CRKL: variants seen among roughly 807,000 people sequenced by gnomAD.
The protein encoded by CRKL is CRK like proto-oncogene, adaptor protein.
A neutral mutation model predicts 23.0 loss-of-function variants in CRKL; 3 were observed. The observed-to-expected ratio is 0.13, with a 90% CI of 0.06 to 0.34. The LOEUF is 0.34. Ranked by LOEUF, CRKL falls within the 10% of genes least tolerant of loss-of-function variation. CRKL has a pLI of 1.00. For missense variants in CRKL, 256 were observed against 394.5 expected (o/e 0.65, Z 2.97); for synonymous variants, 188 against 160.7 (o/e 1.17, Z -1.28).
In CRKL at chr22:20,953,478, A is replaced by G; in HGVS notation, c.*3633A>G. On this transcript the variant is annotated 3_prime_UTR_variant, in exon 3 of 3. Coordinates refer to ENST00000354336, the MANE Select transcript of CRKL (RefSeq NM_005207.4). The stretch of plus-strand genomic sequence containing the variant: ...TAAAACTCTTTTGACCTGTAACTTA[A>G]AGATCATAAACTTCAGGCAATAATA... The G allele has an allele frequency of 4.3e-6, 1 of 231,648 alleles. No individual in the cohort carries two copies. Among genetic ancestry groups the G allele is most frequent in the Non-Finnish European group, 8.6e-6 (1 of 116,850 alleles). 14.3% of individuals were successfully genotyped at this position (231,648 alleles called of 1,614,324 possible). A position where few individuals can be genotyped will look rare whatever the true frequency, so the allele number is the denominator to read the frequency against.
intron 2 of CRKL, among the ~76,000 whole-genome samples, chr22:20,942,111 C>G (rs1252097900): frequency 6.6e-6 from 1 of 152,210 alleles, no homozygotes; most frequent in African/African-American, 2.4e-5. Context: ...AGTTTGCCAA[C>G]TATCTACCTT....
chr22:20,953,010 CT>C lies in CRKL; in HGVS notation c.*3168del. Reference sequence around the variant, plus strand: ...TGTCCCTGGCGCTGTGCTAGCTTTCCTTTACAGCTGTTTACAGACAAGGCAG... The same window carrying C: ...TGTCCCTGGCGCTGTGCTAGCTTTCCTTACAGCTGTTTACAGACAAGGCAG... On this transcript the variant is annotated 3_prime_UTR_variant, in exon 3 of 3. Coordinates refer to ENST00000354336, the MANE Select transcript of CRKL (RefSeq NM_005207.4). 1 of 232,146 alleles carries C rather than the reference CT, an allele frequency of 4.3e-6. No individual in the cohort carries two copies. 14.4% of individuals were successfully genotyped at this position (232,146 alleles called of 1,614,324 possible).
Position 20,918,344 on chromosome 22 carries a change from C to T in CRKL, c.311+99C>T, listed in dbSNP as rs967164332. On this transcript the variant is annotated intron_variant, in intron 1 of 2. Transcript: ENST00000354336. ...GTGGGGCGCGCTTGAACCCATATTCCCCGCATTCTGAACCAAATTATTTTC... is the reference window on the plus strand; with the variant it reads ...GTGGGGCGCGCTTGAACCCATATTCTCCGCATTCTGAACCAAATTATTTTC... 13 of 1,343,302 alleles carry T rather than the reference C, an allele frequency of 9.7e-6. No homozygotes were observed. The South Asian group carries it at 1.7e-4, about 18-fold the overall frequency. The allele number at this position is 1,343,302 out of a possible 1,614,324, so 83.2% of individuals were successfully genotyped here. A position where few individuals can be genotyped will look rare whatever the true frequency, so the allele number is the denominator to read the frequency against.
chr22:20,942,501 T>C (rs1274717603), intron 2 of CRKL, among the ~76,000 whole-genome samples: 1 of 152,252 alleles, frequency 6.6e-6, no homozygotes, highest in Non-Finnish European at 1.5e-5. Flanking sequence ...GTTTTCGTTA[T>C]TTTGGCTATG....
rs77496057 is a variant in CRKL, at chr22:20,942,860, C to G, written c.778-6851C>G. Among the ~76,000 whole-genome samples the G allele has an allele frequency of 5.6e-3, 847 of 152,216 alleles. 8 individuals carry two copies. The highest frequency in any genetic ancestry group is 0.019 in the African/African-American group (808 of 41,522). On this transcript the variant is annotated intron_variant, in intron 2 of 2. Coordinates refer to ENST00000354336, the MANE Select transcript of CRKL (RefSeq NM_005207.4). ...CTTTGAACTCCTGACCTCAACTGAT[C>G]GCTCACCTCAGCCTCCCAAAGTGCT...
At chr22:20,918,396 G>C in intron 1 of CRKL, 151 bp downstream of exon 1, 2 of 891,814 alleles carry the variant, frequency 2.2e-6, no homozygotes, top group Non-Finnish European at 1.7e-6. Flanking sequence ...CAGAAAGCTA[G>C]TGTCAGGATC....
chr22:20,919,153 G>A (rs2266951), intron 1 of CRKL, among the ~76,000 whole-genome samples: 125,626 of 152,034 alleles, frequency 0.83, 51,996 homozygotes, highest in East Asian at 0.92. Flanking sequence ...TATCAGAACT[G>A]TATATTGATA....
Position 20,952,254 on chromosome 22 carries a change from G to T in CRKL, c.*2409G>T. On this transcript the variant is annotated 3_prime_UTR_variant, in exon 3 of 3. Transcript: ENST00000354336. ...AAGTCTGGCCATTTTGGAAAGCAAG[G>T]TTTCCTTTCAGCCCTGTCTACTGAC... The T allele has an allele frequency of 4.3e-6, 1 of 230,394 alleles. No individual in the cohort carries two copies. The highest frequency in any genetic ancestry group is 8.6e-6 in the Non-Finnish European group (1 of 116,350). The allele number at this position is 230,394 out of a possible 1,614,324, so 14.3% of individuals were successfully genotyped here. A position where few individuals can be genotyped will look rare whatever the true frequency, so the allele number is the denominator to read the frequency against.
chr22:20,923,143 G>C (rs936882135), intron 1 of CRKL, among the ~76,000 whole-genome samples: 1 of 152,112 alleles, frequency 6.6e-6, no homozygotes, highest in African/African-American at 2.4e-5. Context: ...AAAAACTAAA[G>C]GAAGTTGGCC....
At chr22:20,949,687 A>C (rs1352766294) in intron 2 of CRKL, 24 bp from the exon 3 acceptor site, 4 of 1,607,944 alleles carry the variant, frequency 2.5e-6, no homozygotes, top group Non-Finnish European at 2.5e-6. Context: ...AGAAATGCTA[A>C]CTTTGTCTTC....
At chr22:20,941,748 C>G (rs373796209) in intron 2 of CRKL, among the ~76,000 whole-genome samples, 3 of 151,052 alleles carry the variant, frequency 2.0e-5, no homozygotes, top group African/African-American at 7.3e-5. Flanking sequence ...TGCCCGCCAC[C>G]AGGCCGGGCT....
At position 20,949,347 on chromosome 22, in the gene CRKL, G is replaced by C. The variant is rs1411233199; in HGVS notation, c.778-364G>C. On this transcript the variant is annotated intron_variant, in intron 2 of 2. Coordinates refer to ENST00000354336, the MANE Select transcript of CRKL (RefSeq NM_005207.4). Reference sequence around the variant, plus strand: ...TCACCATGTTGCCCAGGCTGGTCTCGAACTCCTGACCTCAAGTAATCCCAG... The same window carrying C: ...TCACCATGTTGCCCAGGCTGGTCTCCAACTCCTGACCTCAAGTAATCCCAG... Among the ~76,000 whole-genome samples the C allele has an allele frequency of 2.0e-5, 3 of 152,114 alleles. No individual in the cohort carries two copies. In the East Asian group the frequency reaches 5.8e-4, roughly 29 times the overall value.
At position 20,917,695 on chromosome 22, in the gene CRKL, G is replaced by A; in HGVS notation, c.-240G>A. ...TCGGGTTTGCCTGCCCCGACCCCCC[G>A]GCTCTGCCGTGCATTCCCGGGCGGC... On this transcript the variant is annotated 5_prime_UTR_variant, in exon 1 of 3. Transcript: ENST00000354336. The A allele has an allele frequency of 1.9e-6, 1 of 534,618 alleles. No homozygotes were observed. The highest frequency in any genetic ancestry group is 3.3e-6 in the Non-Finnish European group (1 of 306,232). The allele number at this position is 534,618 out of a possible 1,614,324, so 33.1% of individuals were successfully genotyped here.
intron 1 of CRKL, among the ~76,000 whole-genome samples, chr22:20,928,041 CAGCTACTGGGG>C (rs1306589467): frequency 6.6e-6 from 1 of 151,956 alleles, no homozygotes; most frequent in Non-Finnish European, 1.5e-5. Flanking sequence ...CCTGTAATCC[CAGCTACTGGGG>C]AGGCTTAGGC....
intron 1 of CRKL, among the ~76,000 whole-genome samples, chr22:20,919,188 C>T (rs1224372940): frequency 6.6e-6 from 1 of 152,036 alleles, no homozygotes; most frequent in Non-Finnish European, 1.5e-5. Context: ...TTGAAGCAGG[C>T]CAGACACCAC....
Position 20,917,506 on chromosome 22 carries a change from C to T in CRKL, c.-429C>T, listed in dbSNP as rs901846277. On this transcript the variant is annotated 5_prime_UTR_variant, in exon 1 of 3. Coordinates refer to ENST00000354336, the MANE Select transcript of CRKL (RefSeq NM_005207.4). ...ATTGGGAACAAGCTGGGCAAAAGCACCCCGGAGGCGCGACGCTCCTTCGAG... is the reference window on the plus strand; with the variant it reads ...ATTGGGAACAAGCTGGGCAAAAGCATCCCGGAGGCGCGACGCTCCTTCGAG... 17 of 254,586 alleles carry T rather than the reference C, an allele frequency of 6.7e-5. No homozygotes were observed. Among genetic ancestry groups the T allele is most frequent in the Non-Finnish European group, 9.0e-5 (12 of 132,992 alleles). The allele number at this position is 254,586 out of a possible 1,614,324, so 15.8% of individuals were successfully genotyped here.
At chr22:20,921,080 A>G (rs1432190405) in intron 1 of CRKL, among the ~76,000 whole-genome samples, 1 of 152,236 alleles carries the variant, frequency 6.6e-6, no homozygotes, top group Non-Finnish European at 1.5e-5. Flanking sequence ...AGCCTTTTAT[A>G]GAAAGCTAGT....
At chr22:20,931,972 C>A (rs538034296) in intron 1 of CRKL, among the ~76,000 whole-genome samples, 3 of 151,926 alleles carry the variant, frequency 2.0e-5, no homozygotes, top group African/African-American at 7.2e-5. Flanking sequence ...CCACCATGCC[C>A]GGCTAATTTT....
At chr22:20,935,518 TTTTC>T (rs958302694) in intron 2 of CRKL, among the ~76,000 whole-genome samples, 6 of 65,560 alleles carry the variant, frequency 9.2e-5, no homozygotes, top group Non-Finnish European at 1.5e-4. Context: ...AGTCATTTTC[TTTTC>T]TTTTTTTTTT....
Sources: gnomAD v4.1 joint callset for allele counts (sites outside exome capture counted in the v4.1 genomes callset) on GRCh38, gnomAD v4.1.1 for gene constraint, MANE v1.5 for transcripts, NCBI Gene and HGNC (gene_info 2026-07-23, HGNC 2026-07-21) for gene names.